Variants in AGBL4 observed in about 807,000 individuals in gnomAD.
AGBL4 encodes the protein cytosolic carboxypeptidase 6.
In AGBL4, 58 loss-of-function variants were observed where a neutral mutation model predicts 66.4. The ratio of observed to expected loss-of-function variants is 0.87; its 90% CI spans 0.71 to 1.09. AGBL4 has a LOEUF of 1.09. AGBL4 is among the 50% of genes least tolerant of loss of function. AGBL4 has a pLI of 0.00. For missense variants in AGBL4, 579 were observed against 631.0 expected (o/e 0.92, Z 0.88); for synonymous variants, 234 against 222.9 (o/e 1.05, Z -0.44).
chr1:49,044,110 C>A (rs1644014780), intron 5 of AGBL4, among the ~76,000 whole-genome samples: 2 of 152,196 alleles, frequency 1.3e-5, no homozygotes, highest in Admixed American at 1.3e-4. Context: ...TCTTTATTAG[C>A]AACCAAAGTA....
intron 3 of AGBL4, among the ~76,000 whole-genome samples, chr1:49,366,141 G>A (rs986371088): frequency 2.6e-5 from 4 of 151,968 alleles, no homozygotes; most frequent in South Asian, 2.1e-4. Flanking sequence ...GCTTCTAGGC[G>A]ATTTCCCCTC....
chr1:49,143,878 T>A (rs1306539049), intron 4 of AGBL4, among the ~76,000 whole-genome samples: 1 of 152,238 alleles, frequency 6.6e-6, no homozygotes, highest in Non-Finnish European at 1.5e-5. Flanking sequence ...TATCTCCATA[T>A]GCCATTTTTC....
chr1:49,798,294 A>G (rs911500173), intron 2 of AGBL4, among the ~76,000 whole-genome samples: 24 of 152,214 alleles, frequency 1.6e-4, no homozygotes, highest in African/African-American at 5.3e-4. Context: ...CTAATATCCA[A>G]TAAGTTAAGC....
intron 3 of AGBL4, among the ~76,000 whole-genome samples, chr1:49,382,033 G>A (rs989652628): frequency 2.6e-5 from 4 of 151,936 alleles, no homozygotes; most frequent in Non-Finnish European, 5.9e-5. Flanking sequence ...TACAGTTCCT[G>A]TAGCCACTGA....
chr1:48,766,699 C>A (rs539784644), intron 6 of AGBL4, among the ~76,000 whole-genome samples: 1 of 152,324 alleles, frequency 6.6e-6, no homozygotes, highest in Non-Finnish European at 1.5e-5. Context: ...TGCCTCCATG[C>A]TTGGCCAGGG....
chr1:49,141,572 T>C (rs1268565436), intron 4 of AGBL4, among the ~76,000 whole-genome samples: 3 of 151,968 alleles, frequency 2.0e-5, no homozygotes, highest in Non-Finnish European at 1.5e-5. Context: ...GACATAAGGA[T>C]AGAATATATA....
At chr1:49,096,166 G>C (rs12143428) in intron 4 of AGBL4, among the ~76,000 whole-genome samples, 14 of 150,192 alleles carry the variant, frequency 9.3e-5, no homozygotes, top group African/African-American at 2.2e-4. Flanking sequence ...TTAGAATGGC[G>C]ATCATTAAAA....
chr1:48,728,955 G>C lies in AGBL4; in HGVS notation c.635-65714C>G, dbSNP rs543434563. On this transcript the variant is annotated intron_variant, in intron 6 of 13. Coordinates refer to ENST00000371839, the MANE Select transcript of AGBL4 (RefSeq NM_032785.4). The stretch of plus-strand genomic sequence containing the variant: ...GGCTCAGTACGGCCACTCTCTTACT[G>C]AGTCCACCATTTGCTGTGATAAAGC... Among the ~76,000 whole-genome samples the C allele has an allele frequency of 2.0e-5, 3 of 152,264 alleles. No homozygotes were observed. The East Asian group carries it at 5.8e-4, about 29-fold the overall frequency.
chr1:49,754,010 A>G (rs1651682466), intron 2 of AGBL4, among the ~76,000 whole-genome samples: 1 of 152,188 alleles, frequency 6.6e-6, no homozygotes, highest in South Asian at 2.1e-4. Flanking sequence ...GCATTGGGTT[A>G]GAACATGCTC....
chr1:49,624,632 A>G (rs1645430985), intron 3 of AGBL4, among the ~76,000 whole-genome samples: 1 of 152,124 alleles, frequency 6.6e-6, no homozygotes, highest in Non-Finnish European at 1.5e-5. Flanking sequence ...CCTTCCTGCT[A>G]CCTGACATTG....
At chr1:48,762,112 G>A (rs370652545) in intron 6 of AGBL4, among the ~76,000 whole-genome samples, 193 of 152,254 alleles carry the variant, frequency 1.3e-3, no homozygotes, top group African/African-American at 4.5e-3. Context: ...GTTACATGAG[G>A]AAATTCAAAC....
chr1:49,404,004 C>T (rs1023283076), intron 3 of AGBL4, among the ~76,000 whole-genome samples: 1 of 152,076 alleles, frequency 6.6e-6, no homozygotes, highest in Non-Finnish European at 1.5e-5. Context: ...CTTTAGTTTT[C>T]AGGTTAAAAT....
chr1:48,701,309 G>A (rs1646796713), intron 6 of AGBL4, among the ~76,000 whole-genome samples: 1 of 152,204 alleles, frequency 6.6e-6, no homozygotes, highest in Admixed American at 6.5e-5. Flanking sequence ...GTGGGGTGGG[G>A]ACACTGCTTC....
At chr1:49,080,632 G>A (rs900127064) in intron 4 of AGBL4, among the ~76,000 whole-genome samples, 7 of 151,696 alleles carry the variant, frequency 4.6e-5, no homozygotes, top group Admixed American at 4.6e-4. Flanking sequence ...TTAGAGAGAG[G>A]AATAGGAGAG....
chr1:48,573,605 G>A (rs1221800752), intron 11 of AGBL4, among the ~76,000 whole-genome samples: 1 of 152,174 alleles, frequency 6.6e-6, no homozygotes, highest in Non-Finnish European at 1.5e-5. Flanking sequence ...TGAGGACAGA[G>A]ATTTCTATTG....
chr1:48,705,049 G>C (rs948185850), intron 6 of AGBL4, among the ~76,000 whole-genome samples: 1 of 152,126 alleles, frequency 6.6e-6, no homozygotes, highest in African/African-American at 2.4e-5. Flanking sequence ...GAATTTTTCA[G>C]CTCCATTATA....
chr1:48,540,894 TC>T (rs1210808318), intron 11 of AGBL4, among the ~76,000 whole-genome samples: 1 of 152,144 alleles, frequency 6.6e-6, no homozygotes, highest in Non-Finnish European at 1.5e-5. Context: ...TGGTCCATTT[TC>T]TACCGTGCAG....
intron 6 of AGBL4, among the ~76,000 whole-genome samples, chr1:48,808,641 G>T (rs1645983290): frequency 6.6e-6 from 1 of 151,664 alleles, no homozygotes; most frequent in African/African-American, 2.4e-5. Flanking sequence ...GATCTAATGT[G>T]TAAGGCATGA....
At chr1:48,826,623 T>C (rs556619670) in intron 6 of AGBL4, among the ~76,000 whole-genome samples, 3 of 152,232 alleles carry the variant, frequency 2.0e-5, no homozygotes, top group Non-Finnish European at 4.4e-5. Context: ...AAGAGGAGGC[T>C]GGAAAGTTAG....
Sources: gnomAD v4.1 joint callset for allele counts (sites outside exome capture counted in the v4.1 genomes callset) on GRCh38, gnomAD v4.1.1 for gene constraint, MANE v1.5 for transcripts, NCBI Gene and HGNC (gene_info 2026-07-23, HGNC 2026-07-21) for gene names.